BET1: variants seen among roughly 807,000 people sequenced by gnomAD.
BET1 encodes the protein BET1 homolog.
A neutral mutation model predicts 13.9 loss-of-function variants in BET1; 9 were observed. The observed-to-expected ratio is 0.65, with a 90% CI of 0.39 to 1.13. BET1 has a LOEUF of 1.13. BET1 is among the 50% of genes most tolerant of loss of function. The probability of loss-of-function intolerance (pLI) is 0.01; values close to 1 mark genes in which losing one functional copy is unlikely to be tolerated. For synonymous variants in BET1, 39 were observed against 47.3 expected, an observed-to-expected ratio of 0.82 and a Z score of 0.72; for missense variants, 127 against 133.6, an observed-to-expected ratio of 0.95 and a Z score of 0.24.
chr7:93,978,476 A>G (rs972047883), intron 4 of BET1, among the ~76,000 whole-genome samples: 15 of 152,128 alleles, frequency 9.9e-5, no homozygotes, highest in Admixed American at 9.2e-4. Flanking sequence ...AATATTGCCC[A>G]CGTTTCATTT....
At chr7:93,986,581 G>C (rs1412123499) in intron 4 of BET1, among the ~76,000 whole-genome samples, 1 of 152,158 alleles carries the variant, frequency 6.6e-6, no homozygotes, top group Non-Finnish European at 1.5e-5. Context: ...CTTAATTTAT[G>C]TGCCACTGAA....
chr7:93,975,249 C>A (rs78411959), intron 5 of BET1, among the ~76,000 whole-genome samples: 1 of 151,954 alleles, frequency 6.6e-6, no homozygotes, highest in Non-Finnish European at 1.5e-5. Context: ...TAGTATTGTA[C>A]CAATGTTAAC....
chr7:93,980,999 G>GT (rs1341676970), intron 4 of BET1, among the ~76,000 whole-genome samples: 1 of 152,074 alleles, frequency 6.6e-6, no homozygotes, highest in African/African-American at 2.4e-5. Context: ...TTAGTTTTCT[G>GT]TTTTTTGTCT....
downstream of BET1, chr7:93,993,142 C>T: frequency 1.0e-6 from 1 of 983,884 alleles, no homozygotes; most frequent in Non-Finnish European, 1.2e-6. Flanking sequence ...AATCAAGTTC[C>T]AACAATACAA....
chr7:93,996,834 C>T (rs1316440405), intron 2 of BET1, among the ~76,000 whole-genome samples: 3 of 151,552 alleles, frequency 2.0e-5, no homozygotes, highest in Non-Finnish European at 2.9e-5. Context: ...AAGAATTAAG[C>T]CTAGTACCCA....
At position 93,976,344 on chromosome 7, in the gene BET1, TTGTGTGTGTG is replaced by T. The variant is rs57913446; in HGVS notation, c.236-254_236-245del. On this transcript the variant is annotated intron_variant and NMD_transcript_variant, in intron 4 of 6. Coordinates refer to the BET1 transcript ENST00000357520. ...GATACATTTTAAAGATATCTACTTA[TTGTGTGTGTG>T]TGTGTGTGTGTGTGTGTAAACATAC... 8.4e-3 allele frequency among the ~76,000 whole-genome samples: 1,252 copies of T among 149,114 alleles called. 11 individuals are homozygous for T. The highest frequency in any genetic ancestry group is 0.041 in the Middle Eastern group (12 of 292).
At chr7:93,973,205 T>C (rs900992200) in intron 5 of BET1, among the ~76,000 whole-genome samples, 5 of 151,858 alleles carry the variant, frequency 3.3e-5, no homozygotes, top group Non-Finnish European at 5.9e-5. Flanking sequence ...ACTTCACATG[T>C]GGGATGAAAG....
In BET1 at chr7:93,999,203, T is replaced by C; in HGVS notation, c.111A>G (p.Glu37=). Residue 37 remains glutamate (E), a synonymous_variant, in exon 2 of 4, where the codon GAA becomes GAG. Coordinates refer to ENST00000222547, the MANE Select transcript of BET1 (RefSeq NM_005868.6). ...TAGCAGTTACTTTGCTTCTCAGACT[T>C]TCAGTGAGCCTCTCATTTTCTTCTT... ...ACEEENERLT[E]SLRSKVTAIK... 2 of 1,613,252 alleles carry C rather than the reference T, an allele frequency of 1.2e-6. No homozygotes were observed. The highest frequency in any genetic ancestry group is 1.3e-5 in the African/African-American group (1 of 75,052).
At chr7:93,987,407 G>C (rs960955955) in intron 4 of BET1, 3 of 152,206 alleles carry the variant, frequency 2.0e-5, no homozygotes, top group African/African-American at 7.2e-5. Flanking sequence ...AAACTTGCAG[G>C]AGTTGTGCAA....
intron 3 of BET1, 64 bp from the exon 4 acceptor site, chr7:93,994,449 CAAGT>C: frequency 6.9e-7 from 1 of 1,456,664 alleles, no homozygotes; most frequent in Non-Finnish European, 9.3e-7. Context: ...TATGCATATC[CAAGT>C]AATTGAATAA....
intron 4 of BET1, among the ~76,000 whole-genome samples, chr7:93,984,818 A>G (rs1377262478): frequency 2.6e-5 from 4 of 152,212 alleles, no homozygotes; most frequent in Admixed American, 6.5e-5. Context: ...TCTCCCTAGA[A>G]AACTTAGTCA....
intron 5 of BET1, among the ~76,000 whole-genome samples, chr7:93,972,990 T>C (rs1163627447): frequency 6.6e-6 from 1 of 151,918 alleles, no homozygotes; most frequent in African/African-American, 2.4e-5. Context: ...ACTGGCTGAA[T>C]TCTTTAGTCT....
intron 3 of BET1, 41 bp from the exon 4 acceptor site, chr7:93,994,426 C>G: frequency 6.3e-7 from 1 of 1,576,428 alleles, no homozygotes; most frequent in Non-Finnish European, 8.7e-7. Flanking sequence ...CAGTTAGATT[C>G]TAAGAGTCTA....
At chr7:93,972,676 A>C (rs1795275105) in intron 5 of BET1, 1 of 151,890 alleles carries the variant, frequency 6.6e-6, no homozygotes, top group South Asian at 2.1e-4. Context: ...GCATGGAGAT[A>C]AAATTGAATA....
chr7:93,966,587 T>G (rs1795176879), intron 6 of BET1, among the ~76,000 whole-genome samples: 1 of 150,512 alleles, frequency 6.6e-6, no homozygotes, highest in Non-Finnish European at 1.5e-5. Flanking sequence ...CTGACGGAGG[T>G]ACCAGGAAAA....
chr7:93,970,129 A>G (rs973583789), intron 6 of BET1, among the ~76,000 whole-genome samples: 1 of 151,814 alleles, frequency 6.6e-6, no homozygotes, highest in East Asian at 1.9e-4. Flanking sequence ...AAGATGTTTT[A>G]CTCTGCAATA....
At position 93,967,540 on chromosome 7, in the gene BET1, G is replaced by GT. The variant is rs560375277; in HGVS notation, c.*138-1854dup. Among the ~76,000 whole-genome samples, 239 of 151,806 alleles carry GT rather than the reference G, an allele frequency of 1.6e-3. 1 individual carries two copies. The highest frequency in any genetic ancestry group is 2.6e-3 in the Non-Finnish European group (179 of 67,762). Reference sequence around the variant, plus strand: ...AACATTTAGAATATGTAAATGACAGGTTTTTTGTCTTTGCAATTGTTAAGA... The same window carrying GT: ...AACATTTAGAATATGTAAATGACAGGTTTTTTTGTCTTTGCAATTGTTAAGA... On this transcript the variant is annotated intron_variant and NMD_transcript_variant, in intron 6 of 6. Coordinates refer to the BET1 transcript ENST00000357520.
At chr7:93,976,264 A>G (rs1795334265) in intron 4 of BET1, among the ~76,000 whole-genome samples, 2 of 152,050 alleles carry the variant, frequency 1.3e-5, no homozygotes, top group South Asian at 2.1e-4. Flanking sequence ...TTTCTAAGTC[A>G]TTATTTTATC....
chr7:93,967,343 T>C (rs1355324235), intron 6 of BET1, among the ~76,000 whole-genome samples: 2 of 151,816 alleles, frequency 1.3e-5, no homozygotes, highest in Non-Finnish European at 3.0e-5. Context: ...TTATTTATAA[T>C]AGTGGTAATC....
Sources: allele counts gnomAD v4.1 joint callset (sites outside exome capture counted in the v4.1 genomes callset), GRCh38; gene constraint gnomAD v4.1.1; transcripts MANE v1.5; gene names NCBI Gene and HGNC (gene_info 2026-07-23, HGNC 2026-07-21).